Variants in PGM1 observed in about 807,000 individuals in gnomAD.
PGM1 encodes phosphoglucomutase-1.
In PGM1, 52 loss-of-function variants were observed where a neutral mutation model predicts 55.6. That is an observed-to-expected ratio of 0.94 (90% CI 0.75 to 1.18). The LOEUF is 1.18. Ranked by LOEUF, PGM1 falls within the 50% of genes most tolerant of loss-of-function variation. The pLI, the probability that PGM1 is intolerant of heterozygous loss-of-function variation, is 0.00. For synonymous variants in PGM1, 287 were observed against 271.7 expected (o/e 1.06, Z -0.55); for missense variants, 724 against 729.3 (o/e 0.99, Z 0.08).
chr1:63,658,170 A>G (rs1650015159), intron 10 of PGM1, among the ~76,000 whole-genome samples: 2 of 152,184 alleles, frequency 1.3e-5, no homozygotes, highest in African/African-American at 4.8e-5. Context: ...GGTGGAGTTG[A>G]TTCTCCTTTT....
At chr1:63,650,916 A>G (rs1350786222) in intron 8 of PGM1, among the ~76,000 whole-genome samples, 3 of 151,074 alleles carry the variant, frequency 2.0e-5, no homozygotes, top group Non-Finnish European at 4.4e-5. Flanking sequence ...ACAAAATTTA[A>G]AAAAAAAAAT....
chr1:63,606,741 G>A (rs1648429691), intron 1 of PGM1, among the ~76,000 whole-genome samples: 1 of 152,232 alleles, frequency 6.6e-6, no homozygotes, highest in South Asian at 2.1e-4. Context: ...GAGAATTGAT[G>A]TTGGGAAACA....
intron 7 of PGM1, among the ~76,000 whole-genome samples, chr1:63,644,953 C>T (rs1228399086): frequency 1.3e-5 from 2 of 152,152 alleles, no homozygotes; most frequent in African/African-American, 2.4e-5. Flanking sequence ...TCTACTGAGC[C>T]ACAACTGCAA....
At chr1:63,610,375 TA>T (rs199952486) in intron 1 of PGM1, among the ~76,000 whole-genome samples, 3,557 of 148,728 alleles carry the variant, frequency 0.024, 59 homozygotes, top group Non-Finnish European at 0.035. Context: ...TAAAGAATAA[TA>T]AAAAAAAAAG....
chr1:63,645,867 G>C (rs1649632564), intron 7 of PGM1, among the ~76,000 whole-genome samples: 1 of 152,158 alleles, frequency 6.6e-6, no homozygotes, highest in Non-Finnish European at 1.5e-5. Flanking sequence ...CGTATTCCTT[G>C]TGCTATGCTA....
chr1:63,630,698 T>C (rs990105427), intron 3 of PGM1, among the ~76,000 whole-genome samples: 1 of 152,242 alleles, frequency 6.6e-6, no homozygotes, highest in African/African-American at 2.4e-5. Flanking sequence ...CATTTTGTTG[T>C]TGAATTATTG....
chr1:63,617,277 C>G (rs1272023758), intron 1 of PGM1, among the ~76,000 whole-genome samples: 4 of 152,136 alleles, frequency 2.6e-5, no homozygotes, highest in African/African-American at 9.7e-5. Context: ...AAACAGGACC[C>G]AGGTACTACG....
intron 1 of PGM1, among the ~76,000 whole-genome samples, chr1:63,616,360 TGAG>T (rs1038362142): frequency 6.6e-5 from 10 of 152,192 alleles, no homozygotes; most frequent in Non-Finnish European, 1.2e-4. Context: ...ATCTTCAAAT[TGAG>T]GAGATTGTTT....
rs980233665 is a variant in PGM1, at chr1:63,648,776, A to G, written c.1280+124A>G. ...ACCCTAGGTCATCCAGCCTCTCTCA[A>G]TTGGAGACTTTAAAAATAATCTGGT... On this transcript the variant is annotated intron_variant, in intron 8 of 10. Coordinates refer to ENST00000371084, the MANE Select transcript of PGM1 (RefSeq NM_002633.3). 29 of 1,013,718 alleles carry G rather than the reference A, an allele frequency of 2.9e-5. No homozygotes were observed. The South Asian group carries it at 3.3e-4, about 11-fold the overall frequency. 62.8% of individuals were successfully genotyped at this position (1,013,718 alleles called of 1,614,324 possible). A position where few individuals can be genotyped will look rare whatever the true frequency, so the allele number is the denominator to read the frequency against.
At chr1:63,632,072 A>G (rs1649211539) in intron 4 of PGM1, among the ~76,000 whole-genome samples, 1 of 151,994 alleles carries the variant, frequency 6.6e-6, no homozygotes. Flanking sequence ...TCCCCCTCAG[A>G]AGATACCTTA....
In PGM1 at chr1:63,651,679, G is replaced by A. The variant is rs1476203008; in HGVS notation, c.1291G>A (p.Glu431Lys). 7 of 1,613,616 alleles carry A rather than the reference G, an allele frequency of 4.3e-6. No individual in the cohort carries two copies. The highest frequency in any genetic ancestry group is 3.3e-5 in the Admixed American group (2 of 60,012). The change falls in exon 9 of 11, where the codon GAG becomes AAG. Residue 431 changes from glutamate to lysine, a missense_variant. Coordinates refer to ENST00000371084, the MANE Select transcript of PGM1 (RefSeq NM_002633.3). ...CGTGACTTCTTCCAGGTATGATTACGAGGAGGTGGAAGCTGAGGGCGCAAA... is the reference window on the plus strand; with the variant it reads ...CGTGACTTCTTCCAGGTATGATTACAAGGAGGTGGAAGCTGAGGGCGCAAA... ...GRNFFTRYDY[E>K]EVEAEGANKM...
At chr1:63,656,594 GTGTGTGTGTGTGTA>G (rs60199462) in intron 10 of PGM1, among the ~76,000 whole-genome samples, 4,482 of 148,374 alleles carry the variant, frequency 0.03, 214 homozygotes, top group African/African-American at 0.11. Flanking sequence ...GTGTGTGTGT[GTGTGTGTGTGTGTA>G]TACCACAATG....
In PGM1 at chr1:63,593,841, C is replaced by T. The variant is rs571449970; in HGVS notation, c.246+107C>T. 6.9e-6 allele frequency: 9 copies of T among 1,309,528 alleles called. No individual in the cohort carries two copies. In the South Asian group the frequency reaches 1.8e-4, roughly 26 times the overall value. The allele number at this position is 1,309,528 out of a possible 1,614,324, so 81.1% of individuals were successfully genotyped here. On this transcript the variant is annotated intron_variant, in intron 1 of 10. Transcript: ENST00000371084. ...GCCGGCCGCTTCCGCGCGCTGCCGC[C>T]TCGGTTTCCACCTCCCGCTCCTCCC... is the stretch of plus-strand genomic sequence containing the variant.
chr1:63,649,122 C>G lies in PGM1; in HGVS notation c.1280+470C>G, dbSNP rs144376314. Among the ~76,000 whole-genome samples, 715 of 152,270 alleles carry G rather than the reference C, an allele frequency of 4.7e-3. 3 individuals carry two copies. The highest frequency in any genetic ancestry group is 8.5e-3 in the South Asian group (41 of 4,824). On this transcript the variant is annotated intron_variant, in intron 8 of 10. Transcript: ENST00000371084. ...TTGTTAACTTTGGGGCACTGAAAGC[C>G]TAGAAACTTTTTTTCATAAATTATA...
intron 3 of PGM1, among the ~76,000 whole-genome samples, chr1:63,631,108 C>G (rs1275778262): frequency 2.0e-5 from 3 of 152,082 alleles, no homozygotes; most frequent in Non-Finnish European, 4.4e-5. Flanking sequence ...ATACTAAGTT[C>G]TTATATTTAT....
intron 8 of PGM1, 199 bp from the exon 9 acceptor site, chr1:63,651,470 A>G (rs542227587): frequency 1.7e-5 from 10 of 580,504 alleles, no homozygotes; most frequent in South Asian, 1.2e-4. Context: ...CCCTTCCCTG[A>G]AATCCTCCAA....
At chr1:63,594,829 C>T (rs1015946062) in intron 1 of PGM1, among the ~76,000 whole-genome samples, 2 of 146,170 alleles carry the variant, frequency 1.4e-5, no homozygotes, top group African/African-American at 5.0e-5. Flanking sequence ...GGCGTGGTGG[C>T]GGGCGCCTGT....
At chr1:63,596,714 C>T (rs928040516) in intron 1 of PGM1, among the ~76,000 whole-genome samples, 1 of 152,184 alleles carries the variant, frequency 6.6e-6, no homozygotes, top group African/African-American at 2.4e-5. Context: ...CCACTCTTCT[C>T]CACCTATTAA....
chr1:63,633,924 ATATATATATTTTT>A (rs1649280192), intron 4 of PGM1, among the ~76,000 whole-genome samples: 3 of 67,356 alleles, frequency 4.5e-5, no homozygotes, highest in African/African-American at 1.8e-4. Flanking sequence ...GTGTGTATAT[ATATATATATTTTT>A]TTTTTTTTTT....
Sources: allele counts gnomAD v4.1 joint callset (sites outside exome capture counted in the v4.1 genomes callset), GRCh38; gene constraint gnomAD v4.1.1; transcripts MANE v1.5; gene names NCBI Gene and HGNC (gene_info 2026-07-23, HGNC 2026-07-21).